BCAP29: variants seen among roughly 807,000 people sequenced by gnomAD.
BCAP29 encodes B cell receptor associated protein 29.
BCAP29 carries 34 observed loss-of-function variants against 31.8 expected under a neutral mutation model. The observed-to-expected ratio is 1.07, with a 90% CI of 0.81 to 1.42. BCAP29 has a LOEUF of 1.42. Ranked by LOEUF, BCAP29 falls within the 40% of genes most tolerant of loss-of-function variation. BCAP29 has a pLI of 0.00. For missense variants in BCAP29, 314 were observed against 269.2 expected (o/e 1.17, Z -1.16); for synonymous variants, 104 against 91.3 (o/e 1.14, Z -0.79).
chr7:107,586,873 G>A (rs758084013), intron 3 of BCAP29, among the ~76,000 whole-genome samples: 20 of 151,644 alleles, frequency 1.3e-4, no homozygotes, highest in Non-Finnish European at 2.1e-4. Flanking sequence ...GACTACAGGC[G>A]AGAGCCACCA....
chr7:107,581,210 A>G (rs1450125169), intron 2 of BCAP29, among the ~76,000 whole-genome samples: 3 of 152,182 alleles, frequency 2.0e-5, no homozygotes, highest in Admixed American at 6.5e-5. Context: ...TGAACTAAAT[A>G]AATATAAGTG....
intron 5 of BCAP29, among the ~76,000 whole-genome samples, chr7:107,599,306 AT>A (rs1225914599): frequency 3.7e-5 from 1 of 26,744 alleles, no homozygotes; most frequent in Non-Finnish European, 7.7e-5. Flanking sequence ...TTATATATAA[AT>A]TTTATATATA....
rs574944468 is a variant in BCAP29 at position 107,613,320 on chromosome 7, G to A, written c.590-12G>A. Reference sequence around the variant, plus strand: ...TTCTGAAATAAAAATAAAACTATTCGATATTTTCTAGCCCTTTCTAAGGCA... The same window carrying A: ...TTCTGAAATAAAAATAAAACTATTCAATATTTTCTAGCCCTTTCTAAGGCA... On this transcript the variant is annotated splice_polypyrimidine_tract_variant and intron_variant, in intron 6 of 7. Transcript: ENST00000005259. 1.4e-5 allele frequency: 22 copies of A among 1,561,480 alleles called. No individual in the cohort carries two copies. Among genetic ancestry groups the A allele is most frequent in the African/African-American group, 8.2e-5 (6 of 72,978 alleles).
At chr7:107,622,973 GAT>G (rs1815097990), downstream of BCAP29, 1 of 152,110 alleles carries the variant, frequency 6.6e-6, no homozygotes. Context: ...CAAGCATAAA[GAT>G]AACATTTTCC....
intron 6 of BCAP29, among the ~76,000 whole-genome samples, chr7:107,604,328 G>T (rs1444429492): frequency 1.3e-5 from 2 of 152,130 alleles, no homozygotes; most frequent in African/African-American, 4.8e-5. Flanking sequence ...AAAAATAGCT[G>T]AAGTGTTTTT....
chr7:107,614,257 T>C (rs1813732044), intron 7 of BCAP29, among the ~76,000 whole-genome samples: 2 of 152,210 alleles, frequency 1.3e-5, no homozygotes, highest in African/African-American at 4.8e-5. Flanking sequence ...TCATGGTATC[T>C]CCAAGACTCA....
rs1808807971 is a variant in BCAP29, at chr7:107,591,647, C to CAT, written c.194-2307_194-2306insTA. Among the ~76,000 whole-genome samples, 7 of 148,588 alleles carry CAT rather than the reference C, an allele frequency of 4.7e-5. No homozygotes were observed. The East Asian group carries it at 1.4e-3, about 30-fold the overall frequency. On this transcript the variant is annotated intron_variant, in intron 3 of 7. Coordinates refer to ENST00000005259, the MANE Select transcript of BCAP29 (RefSeq NM_018844.4). Reference sequence around the variant, plus strand: ...ACTTTTCCCCATACACACATACACACACACACACACCCTATTGGTTCTTTT... The same window carrying CAT: ...ACTTTTCCCCATACACACATACACACATACACACACACCCTATTGGTTCTTTT...
intron 6 of BCAP29, among the ~76,000 whole-genome samples, chr7:107,611,136 A>G (rs987271867): frequency 6.6e-6 from 1 of 152,202 alleles, no homozygotes; most frequent in African/African-American, 2.4e-5. Context: ...CACGAATCCC[A>G]TTAATGAGGA....
Position 107,606,222 on chromosome 7 carries a change from A to C in BCAP29, c.589+5717A>C, listed in dbSNP as rs535399027. On this transcript the variant is annotated intron_variant, in intron 6 of 7. Coordinates refer to ENST00000005259, the MANE Select transcript of BCAP29 (RefSeq NM_018844.4). Reference sequence around the variant, plus strand: ...TGCAAAATCTGAGGATACACTGGGTAATCTTGGTGAAGTCATTGACTCTTT... The same window carrying C: ...TGCAAAATCTGAGGATACACTGGGTCATCTTGGTGAAGTCATTGACTCTTT... Among the ~76,000 whole-genome samples the C allele has an allele frequency of 2.6e-5, 4 of 152,328 alleles. No homozygotes were observed. In the South Asian group the frequency reaches 8.3e-4, roughly 32 times the overall value.
chr7:107,616,892 C>A (rs1814260078), intron 7 of BCAP29, among the ~76,000 whole-genome samples: 1 of 152,166 alleles, frequency 6.6e-6, no homozygotes, highest in Non-Finnish European at 1.5e-5. Flanking sequence ...GCACATGCCA[C>A]CATGCGCAGC....
At chr7:107,599,018 T>TATAC (rs1563133557) in intron 5 of BCAP29, among the ~76,000 whole-genome samples, 3 of 138,358 alleles carry the variant, frequency 2.2e-5, no homozygotes, top group Non-Finnish European at 4.6e-5. Context: ...AATTTATATA[T>TATAC]ATAAATTTAT....
intron 4 of BCAP29, chr7:107,594,327 C>T: frequency 2.0e-6 from 1 of 505,270 alleles, no homozygotes; most frequent in South Asian, 2.5e-5. Flanking sequence ...TCTAGGACTA[C>T]AGGCGGCACA....
chr7:107,620,532 A>G (rs914751333), downstream of BCAP29: 10 of 152,100 alleles, frequency 6.6e-5, no homozygotes, highest in African/African-American at 2.2e-4. Context: ...TGACTTCTTT[A>G]TGTCTTAGGC....
intron 2 of BCAP29, among the ~76,000 whole-genome samples, chr7:107,583,107 G>A (rs1807000614): frequency 1.3e-5 from 2 of 151,926 alleles, no homozygotes; most frequent in South Asian, 4.1e-4. Context: ...CAACTAAAGT[G>A]TTACTCATTT....
intron 2 of BCAP29, among the ~76,000 whole-genome samples, chr7:107,583,611 T>C (rs183707269): frequency 5.6e-4 from 86 of 152,250 alleles, no homozygotes; most frequent in Middle Eastern, 3.4e-3. Context: ...CAAGAATTCC[T>C]TTTTAAGGTT....
chr7:107,614,731 G>A (rs1366837710), intron 7 of BCAP29, among the ~76,000 whole-genome samples: 1 of 152,208 alleles, frequency 6.6e-6, no homozygotes, highest in Non-Finnish European at 1.5e-5. Flanking sequence ...AGACAAGGTA[G>A]CCAGAGAAGG....
chr7:107,603,649 A>T (rs1035953048), intron 6 of BCAP29: 3 of 133,532 alleles, frequency 2.2e-5, no homozygotes, highest in Non-Finnish European at 4.6e-5. Context: ...ACTGTCACCC[A>T]GGTGGGAGTG....
intron 5 of BCAP29, among the ~76,000 whole-genome samples, chr7:107,598,875 C>T (rs1302608739): frequency 1.4e-5 from 2 of 148,136 alleles, no homozygotes; most frequent in Non-Finnish European, 3.0e-5. Flanking sequence ...AATTTAAGAC[C>T]AGCCTGGGCA....
intron 6 of BCAP29, among the ~76,000 whole-genome samples, chr7:107,602,396 C>A (rs1811327099): frequency 6.6e-6 from 1 of 151,986 alleles, no homozygotes; most frequent in Admixed American, 6.6e-5. Flanking sequence ...GAAAATATAT[C>A]AATTAATAGT....
Sources: allele counts gnomAD v4.1 joint callset (sites outside exome capture counted in the v4.1 genomes callset), GRCh38; gene constraint gnomAD v4.1.1; transcripts MANE v1.5; gene names NCBI Gene and HGNC (gene_info 2026-07-23, HGNC 2026-07-21).